The following TMEM181 variants were observed in gnomAD, a reference collection of about 807,000 sequenced individuals.
The protein encoded by TMEM181 is transmembrane protein 181.
Under a neutral mutation model 71.9 loss-of-function variants are expected in TMEM181, and 39 were observed. The ratio of observed to expected loss-of-function variants is 0.54; its 90% CI spans 0.42 to 0.71. The LOEUF (loss-of-function observed/expected upper bound fraction) is 0.71. TMEM181 is among the 30% of genes least tolerant of loss of function. The pLI is 0.00. For missense variants in TMEM181, 595 were observed against 583.0 expected, an observed-to-expected ratio of 1.02 and a Z score of -0.21; for synonymous variants, 245 against 228.8, an observed-to-expected ratio of 1.07 and a Z score of -0.64.
chr6:158,546,320 G>A (rs1003845313), intron 1 of TMEM181, among the ~76,000 whole-genome samples: 11 of 152,228 alleles, frequency 7.2e-5, no homozygotes, highest in African/African-American at 2.7e-4. Context: ...ATCATTGGCA[G>A]CTATGTCAGG....
In TMEM181 at chr6:158,565,164, G is replaced by C. The variant is rs145197514; in HGVS notation, c.8+4932G>C. The stretch of plus-strand genomic sequence containing the variant: ...GGACAGCAATTTGAGGTGTTCTCAC[G>C]ACCTCTGCTTACCCGGATTGTATCT... On this transcript the variant is annotated intron_variant, in intron 1 of 16. Coordinates refer to ENST00000684151, the MANE Select transcript of TMEM181 (RefSeq NM_001376852.1). Among the ~76,000 whole-genome samples, 369 of 152,304 alleles carry C rather than the reference G, an allele frequency of 2.4e-3. 7 individuals carry two copies. Among genetic ancestry groups the C allele is most frequent in the Admixed American group, 0.022 (344 of 15,306 alleles).
chr6:158,587,626 G>T (rs573259119), intron 5 of TMEM181, among the ~76,000 whole-genome samples: 11 of 151,168 alleles, frequency 7.3e-5, no homozygotes, highest in East Asian at 3.9e-4. Flanking sequence ...CACCGTGCCT[G>T]GCTTCCTTTT....
chr6:158,559,476 T>G (rs780078392), upstream of TMEM181, among the ~76,000 whole-genome samples: 9 of 152,188 alleles, frequency 5.9e-5, no homozygotes, highest in Non-Finnish European at 1.2e-4. Flanking sequence ...CCAAAGAGAA[T>G]CTCAGAAATA....
rs1786465981 is a variant in TMEM181, at chr6:158,628,445, C to T, written c.1147C>T (p.Leu383=). The T allele has an allele frequency of 1.2e-6, 2 of 1,614,202 alleles. No homozygotes were observed. Among genetic ancestry groups the T allele is most frequent in the African/African-American group, 1.3e-5 (1 of 75,054 alleles). ...TTATTTGAGATTTGGGGCGCAAGTA[C>T]TACAAGACAATTTTGTAGCAGAGCT... ...ILYLRFGAQV[L]QDNFVAELST... is the part of the protein sequence containing the mutation. The change falls in exon 14 of 17, where the codon CTA becomes TTA. Residue 383 remains leucine (L), a synonymous_variant. Coordinates refer to ENST00000684151, the MANE Select transcript of TMEM181 (RefSeq NM_001376852.1).
intron 10 of TMEM181, among the ~76,000 whole-genome samples, chr6:158,622,920 G>A (rs1476669015): frequency 6.6e-6 from 1 of 152,140 alleles, no homozygotes; most frequent in Non-Finnish European, 1.5e-5. Context: ...CCGCTCCCAC[G>A]CTTGCTCTTT....
At chr6:158,548,167 G>C (rs959812621) in intron 1 of TMEM181, among the ~76,000 whole-genome samples, 2 of 152,086 alleles carry the variant, frequency 1.3e-5, no homozygotes, top group Non-Finnish European at 2.9e-5. Context: ...GATTGTTTCC[G>C]AACACAGTAG....
chr6:158,543,727 G>A (rs1386364536), intron 1 of TMEM181, among the ~76,000 whole-genome samples: 2 of 152,162 alleles, frequency 1.3e-5, no homozygotes, highest in African/African-American at 4.8e-5. Context: ...CCGCCTTAAT[G>A]ACCTCATTTT....
At chr6:158,609,415 A>G (rs1009022661) in intron 10 of TMEM181, among the ~76,000 whole-genome samples, 1 of 151,902 alleles carries the variant, frequency 6.6e-6, no homozygotes, top group Non-Finnish European at 1.5e-5. Context: ...AACTCATTGT[A>G]CCCTCATGTC....
chr6:158,577,610 G>A (rs1166009674), intron 2 of TMEM181, among the ~76,000 whole-genome samples: 1 of 152,124 alleles, frequency 6.6e-6, no homozygotes, highest in African/African-American at 2.4e-5. Flanking sequence ...CAAACTCAAA[G>A]TAGGATGAAC....
At chr6:158,608,564 C>T in intron 9 of TMEM181, 95 bp from the exon 10 acceptor site, 2 of 1,604,314 alleles carry the variant, frequency 1.2e-6, no homozygotes, top group East Asian at 2.2e-5. Context: ...CCATGGAAGC[C>T]TGTCTGCAGG....
At chr6:158,538,784 C>T (rs1381150527) in intron 1 of TMEM181, among the ~76,000 whole-genome samples, 1 of 152,170 alleles carries the variant, frequency 6.6e-6, no homozygotes, top group Non-Finnish European at 1.5e-5. Flanking sequence ...TTGAAAGTGA[C>T]ATTTGTCTGA....
intron 12 of TMEM181, 25 bp downstream of exon 12, chr6:158,625,231 G>T: frequency 6.2e-7 from 1 of 1,604,596 alleles, no homozygotes; most frequent in South Asian, 1.1e-5. Context: ...CAGAATCGGT[G>T]CAGGGGTGGC....
rs1322058544 is a variant in TMEM181 at position 158,573,507 on chromosome 6, C to T, written c.96C>T (p.Ile32=). ...TCTTCATCTGCTTTGGCCTGACCAT[C>T]TTCGTTGGGATCAGAGGTAAGGTTC... ...VVFFICFGLT[I]FVGIRGPKVI... The change falls in exon 2 of 17, where the codon ATC becomes ATT. Residue 32 remains isoleucine, a synonymous_variant. Transcript: ENST00000684151. 6.2e-7 allele frequency: 1 copy of T among 1,606,752 alleles called. No homozygotes were observed. The highest frequency in any genetic ancestry group is 8.5e-7 in the Non-Finnish European group (1 of 1,176,706).
chr6:158,593,666 A>G (rs1237700373), intron 6 of TMEM181, among the ~76,000 whole-genome samples: 2 of 152,224 alleles, frequency 1.3e-5, no homozygotes, highest in Non-Finnish European at 2.9e-5. Context: ...AAGTGTTTGT[A>G]TGTCTTTTAT....
intron 6 of TMEM181, among the ~76,000 whole-genome samples, chr6:158,603,238 G>A (rs1784766997): frequency 6.6e-6 from 1 of 152,152 alleles, no homozygotes; most frequent in South Asian, 2.1e-4. Flanking sequence ...TTTGGCATCG[G>A]GGACTGGTTT....
At chr6:158,609,570 G>A (rs866360528) in intron 10 of TMEM181, 3 of 154,480 alleles carry the variant, frequency 1.9e-5, no homozygotes, top group Middle Eastern at 9.8e-4. Context: ...AAAATATCCC[G>A]TCCTGGTTTT....
chr6:158,546,275 G>GA (rs1781524217), intron 1 of TMEM181, among the ~76,000 whole-genome samples: 1 of 152,196 alleles, frequency 6.6e-6, no homozygotes, highest in South Asian at 2.1e-4. Flanking sequence ...GCTGCAGTAG[G>GA]AATGAGAACA....
intron 1 of TMEM181, among the ~76,000 whole-genome samples, chr6:158,549,392 G>A (rs913885146): frequency 1.3e-5 from 2 of 152,172 alleles, no homozygotes; most frequent in East Asian, 3.9e-4. Context: ...GGGATCACAG[G>A]TGTGAGCCAC....
intron 1 of TMEM181, chr6:158,572,346 C>T: frequency 4.4e-6 from 2 of 454,530 alleles, no homozygotes; most frequent in Non-Finnish European, 8.9e-6. Context: ...CGTGCGGCTG[C>T]CTGTCCCTGA....
Sources: gnomAD v4.1 joint callset for allele counts (sites outside exome capture counted in the v4.1 genomes callset) on GRCh38, gnomAD v4.1.1 for gene constraint, MANE v1.5 for transcripts, NCBI Gene and HGNC (gene_info 2026-07-23, HGNC 2026-07-21) for gene names.